The following POMC variants were observed in gnomAD, a reference collection of about 807,000 sequenced individuals.
POMC encodes the protein pro-opiomelanocortin.
A neutral mutation model predicts 18.5 loss-of-function variants in POMC; 19 were observed. The ratio of observed to expected loss-of-function variants is 1.03; its 90% CI spans 0.72 to 1.51. POMC has a LOEUF of 1.51. Ranked by LOEUF, POMC falls within the 40% of genes most tolerant of loss-of-function variation. The pLI is 0.00. For synonymous variants in POMC, 179 were observed against 161.9 expected, an observed-to-expected ratio of 1.11 and a Z score of -0.80; for missense variants, 451 against 379.0, an observed-to-expected ratio of 1.19 and a Z score of -1.58.
At chr2:25,166,002 TAA>T in intron 1 of POMC, among the ~76,000 whole-genome samples, 1 of 152,396 alleles carries the variant, frequency 6.6e-6, no homozygotes, top group African/African-American at 2.4e-5. Context: ...CATTTTAAAA[TAA>T]GTTTGCCTAA....
rs769309229 is a variant in POMC, at chr2:25,161,218, T to C, written c.667A>G (p.Met223Val). Residue 223 changes from methionine to valine, a missense_variant, in exon 3 of 3, where the codon ATG becomes GTG. Physicochemically the swap from Met to Val is conservative, Grantham distance 21. Transcript: ENST00000395826. This position sits in a 1 kb window ranked among gnomAD's most constrained non-coding sequence, Gnocchi z 5.7. The stretch of plus-strand genomic sequence containing the variant: ...GGGCTGCCCCAGCGGAAGTGCTCCA[T>C]CCTGTAGGGGCCCTCGTCCTTCTTC... ...AEKKDEGPYR[M>V]EHFRWGSPPK... The C allele has an allele frequency of 5.0e-6, 8 of 1,613,356 alleles. No individual in the cohort carries two copies. Among genetic ancestry groups the C allele is most frequent in the Non-Finnish European group, 6.8e-6 (8 of 1,179,868 alleles).
Position 25,161,663 on chromosome 2 carries a change from G to A in POMC, c.222C>T (p.Pro74=). The stretch of plus-strand genomic sequence containing the variant: ...GGAAGTGGCCCATGACGTACTTCCG[G>A]GGGTTCTCGGTCAGAGGCTGCTCGT... The part of the protein sequence containing the change: ...NGDEQPLTEN[P]RKYVMGHFRW... Residue 74 remains proline (P), a synonymous_variant, in exon 3 of 3, where the codon CCC becomes CCT. Transcript: ENST00000395826. The surrounding 1 kb of genome is among the most constrained non-coding windows in gnomAD (Gnocchi z 5.7). The A allele has an allele frequency of 1.3e-6, 2 of 1,561,336 alleles. No individual in the cohort carries two copies. Among genetic ancestry groups the A allele is most frequent in the Non-Finnish European group, 1.7e-6 (2 of 1,153,458 alleles).
chr2:25,166,531 A>G (rs1393070130), intron 1 of POMC, among the ~76,000 whole-genome samples: 1 of 152,226 alleles, frequency 6.6e-6, no homozygotes, highest in Non-Finnish European at 1.5e-5. Flanking sequence ...TAAAGGAAAA[A>G]ACAAAATCTT....
In POMC at chr2:25,164,742, C is replaced by T. The variant is rs772614148; in HGVS notation, c.31G>A (p.Ala11Thr). 7.4e-6 allele frequency: 12 copies of T among 1,614,070 alleles called. No individual in the cohort carries two copies. The highest frequency in any genetic ancestry group is 1.3e-5 in the African/African-American group (1 of 75,056). Reference protein sequence around the residue: MPRSCCSRSGALLLALLLQAS... With the variant: MPRSCCSRSGTLLLALLLQAS... Reference sequence around the variant, plus strand: ...TGAAGCAGCAAGGCCAGCAACAGGGCCCCCGAGCGGCTGCAGCACGATCTC... The same window carrying T: ...TGAAGCAGCAAGGCCAGCAACAGGGTCCCCGAGCGGCTGCAGCACGATCTC... The change falls in exon 2 of 3, where the codon GCC becomes ACC. Residue 11 changes from alanine to threonine, a missense_variant. Coordinates refer to ENST00000395826, the MANE Select transcript of POMC (RefSeq NM_000939.4).
At chr2:25,164,972 A>G (rs1671508765) in intron 1 of POMC, 180 bp from the exon 2 acceptor site, 1 of 530,560 alleles carries the variant, frequency 1.9e-6, no homozygotes, top group East Asian at 3.3e-5. Context: ...ATAAGTTGTG[A>G]TAAGGAGGAG....
Position 25,168,321 on chromosome 2 carries a change from G to C in POMC, c.-21+177C>G, listed in dbSNP as rs1671628195. Among the ~76,000 whole-genome samples, 1 of 152,242 alleles carries C rather than the reference G, an allele frequency of 6.6e-6. No individual in the cohort carries two copies. Among genetic ancestry groups the C allele is most frequent in the Non-Finnish European group, 1.5e-5 (1 of 68,044 alleles). ...GGCCGGACGTGGGCCCTCCAGCTCA[G>C]CTACTGGCGGCTTCTCATGCCGCAG... On this transcript the variant is annotated intron_variant, in intron 1 of 2. Transcript: ENST00000395826. This position sits in a 1 kb window ranked among gnomAD's most constrained non-coding sequence, Gnocchi z 5.2.
chr2:25,161,180 C>G lies in POMC; in HGVS notation c.705G>C (p.Lys235Asn), dbSNP rs1671339298. Reference protein sequence around the residue: ...HFRWGSPPKDKRYGGFMTSEK... With the variant: ...HFRWGSPPKDNRYGGFMTSEK... ...CGGAGGTCATGAAACCGCCGTAGCG[C>G]TTGTCCTTGGGCGGGCTGCCCCAGC... Residue 235 changes from lysine to asparagine, a missense_variant, in exon 3 of 3, where the codon AAG becomes AAC. By Grantham distance (94) the Lys-to-Asn change is moderately conservative. Transcript: ENST00000395826. The surrounding 1 kb of genome is among the most constrained non-coding windows in gnomAD (Gnocchi z 5.7). 3.1e-6 allele frequency: 5 copies of G among 1,613,788 alleles called. No individual in the cohort carries two copies. The highest frequency in any genetic ancestry group is 1.6e-4 in the Middle Eastern group (1 of 6,082).
chr2:25,165,421 A>C (rs1312043087), intron 1 of POMC, among the ~76,000 whole-genome samples: 1 of 152,214 alleles, frequency 6.6e-6, no homozygotes, highest in Non-Finnish European at 1.5e-5. Flanking sequence ...GATGTCCTGC[A>C]CACAAATTAC....
chr2:25,164,646 G>T lies in POMC; in HGVS notation c.127C>A (p.Leu43Met), dbSNP rs150178677. The change falls in exon 2 of 3, where the codon CTG becomes ATG. Residue 43 changes from leucine (L) to methionine (M), a missense_variant. Coordinates refer to ENST00000395826, the MANE Select transcript of POMC (RefSeq NM_000939.4). ...GGCAGTCATGGCCCACGTACCAGCAGGTTGCTTTCCGTGGTGAGGTCCTGA... is the reference window on the plus strand; with the variant it reads ...GGCAGTCATGGCCCACGTACCAGCATGTTGCTTTCCGTGGTGAGGTCCTGA... ...QCQDLTTESN[L>M]LECIRACKPD... 6.2e-7 allele frequency: 1 copy of T among 1,613,964 alleles called. No homozygotes were observed. The highest frequency in any genetic ancestry group is 1.3e-5 in the African/African-American group (1 of 74,926).
At chr2:25,163,196 C>T (rs1370323273) in intron 2 of POMC, among the ~76,000 whole-genome samples, 3 of 152,162 alleles carry the variant, frequency 2.0e-5, no homozygotes, top group Non-Finnish European at 4.4e-5. Context: ...CTCTGTGGAA[C>T]GTTAACAATG....
At position 25,161,191 on chromosome 2, in the gene POMC, G is replaced by C. The variant is rs1265342534; in HGVS notation, c.694C>G (p.Pro232Ala). 6.2e-7 allele frequency: 1 copy of C among 1,613,796 alleles called. No individual in the cohort carries two copies. The stretch of plus-strand genomic sequence containing the variant: ...AAACCGCCGTAGCGCTTGTCCTTGG[G>C]CGGGCTGCCCCAGCGGAAGTGCTCC... ...RMEHFRWGSPPKDKRYGGFMT... is the reference protein window; with the variant it reads ...RMEHFRWGSPAKDKRYGGFMT... Residue 232 changes from proline to alanine, a missense_variant, in exon 3 of 3, where the codon CCC (proline) becomes GCC (alanine). Physicochemically the swap from Pro to Ala is conservative, Grantham distance 27. Transcript: ENST00000395826. The surrounding 1 kb of genome is among the most constrained non-coding windows in gnomAD (Gnocchi z 5.7).
chr2:25,167,830 T>C (rs988748991), intron 1 of POMC, among the ~76,000 whole-genome samples: 1 of 152,174 alleles, frequency 6.6e-6, no homozygotes, highest in African/African-American at 2.4e-5. Flanking sequence ...ATGTGACACC[T>C]ATCCTGGAAA....
rs1573249057 is a variant in POMC, at chr2:25,160,901, T to C, written c.*180A>G. The C allele has an allele frequency of 3.9e-6, 4 of 1,021,072 alleles. No homozygotes were observed. In the East Asian group the frequency reaches 1.0e-4, roughly 27 times the overall value. 63.3% of individuals were successfully genotyped at this position (1,021,072 alleles called of 1,614,324 possible). A position where few individuals can be genotyped will look rare whatever the true frequency, so the allele number is the denominator to read the frequency against. The stretch of plus-strand genomic sequence containing the variant: ...TTTTACTTTATTCACACAGTTTACA[T>C]TCAAAGTCAGAGGTGGATGTGAAAT... On this transcript the variant is annotated 3_prime_UTR_variant, in exon 3 of 3. Coordinates refer to ENST00000395826, the MANE Select transcript of POMC (RefSeq NM_000939.4).
rs1422785520 is a variant in POMC, at chr2:25,161,261, G to A, written c.624C>T (p.Ser208=). The change falls in exon 3 of 3, where the codon AGC becomes AGT. Residue 208 remains serine (S), a synonymous_variant. Coordinates refer to ENST00000395826, the MANE Select transcript of POMC (RefSeq NM_000939.4). This position sits in a 1 kb window ranked among gnomAD's most constrained non-coding sequence, Gnocchi z 5.7. ...GAGAQADLEH[S]LLVAAEKKDE... ...CCTTCTTCTCGGCCGCCACCAGCAGGCTGTGCTCCAGGTCGGCCTGGGCCC... is the reference window on the plus strand; with the variant it reads ...CCTTCTTCTCGGCCGCCACCAGCAGACTGTGCTCCAGGTCGGCCTGGGCCC... 6.2e-7 allele frequency: 1 copy of A among 1,612,152 alleles called. No homozygotes were observed. Among genetic ancestry groups the A allele is most frequent in the South Asian group, 1.1e-5 (1 of 90,824 alleles).
Position 25,161,581 on chromosome 2 carries a change from G to C in POMC, c.304C>G (p.Gln102Glu), listed in dbSNP as rs1239191459. The C allele has an allele frequency of 6.6e-7, 1 of 1,519,906 alleles. No homozygotes were observed. Among genetic ancestry groups the C allele is most frequent in the Non-Finnish European group, 8.9e-7 (1 of 1,129,546 alleles). 94.2% of individuals were successfully genotyped at this position (1,519,906 alleles called of 1,614,324 possible). A position where few individuals can be genotyped will look rare whatever the true frequency, so the allele number is the denominator to read the frequency against. Residue 102 changes from glutamine to glutamate, a missense_variant, in exon 3 of 3, where the codon CAG becomes GAG. By Grantham distance (29) the Gln-to-Glu change is conservative. Coordinates refer to ENST00000395826, the MANE Select transcript of POMC (RefSeq NM_000939.4). This position sits in a 1 kb window ranked among gnomAD's most constrained non-coding sequence, Gnocchi z 5.7. ...SSSSGSSGAG[Q>E]KREDVSAGED... Reference sequence around the variant, plus strand: ...CCCGCTGAGACGTCCTCGCGCTTCTGCCCTGCGCCGCTGCTGCCGCTGCTG... The same window carrying C: ...CCCGCTGAGACGTCCTCGCGCTTCTCCCCTGCGCCGCTGCTGCCGCTGCTG...
chr2:25,164,490 A>T, intron 2 of POMC, 151 bp downstream of exon 2: 2 of 1,215,014 alleles, frequency 1.6e-6, no homozygotes, highest in Non-Finnish European at 1.2e-6. Flanking sequence ...CCCATTTCTT[A>T]CTTCACTGCA....
chr2:25,161,541 G>A lies in POMC; in HGVS notation c.344C>T (p.Pro115Leu), dbSNP rs776765638. 4 of 1,579,566 alleles carry A rather than the reference G, an allele frequency of 2.5e-6. No individual in the cohort carries two copies. Among genetic ancestry groups the A allele is most frequent in the Middle Eastern group, 1.7e-4 (1 of 5,990 alleles). Residue 115 changes from proline to leucine, a missense_variant, in exon 3 of 3, where the codon CCG (proline) becomes CTG (leucine). Pro to Leu is a moderately conservative substitution (Grantham distance 98). Coordinates refer to ENST00000395826, the MANE Select transcript of POMC (RefSeq NM_000939.4). This position sits in a 1 kb window ranked among gnomAD's most constrained non-coding sequence, Gnocchi z 5.7. ...GGGCTCGGGGCCGCCCTCAGGCAGC[G>A]GGCCGCAGTCTTCGCCCGCTGAGAC... ...EDVSAGEDCG[P>L]LPEGGPEPRS...
chr2:25,164,955 C>T (rs1021304379), intron 1 of POMC, 163 bp from the exon 2 acceptor site: 9 of 666,702 alleles, frequency 1.3e-5, no homozygotes, highest in East Asian at 3.0e-5. Context: ...TGCAGTACAG[C>T]GGTGGTATAA....
chr2:25,165,396 C>T (rs1558630904), intron 1 of POMC, among the ~76,000 whole-genome samples: 1 of 152,324 alleles, frequency 6.6e-6, no homozygotes, highest in South Asian at 2.1e-4. Flanking sequence ...GGCAGCATTT[C>T]GAGCAGCCTG....
Sources: allele counts gnomAD v4.1 joint callset (sites outside exome capture counted in the v4.1 genomes callset), GRCh38; gene constraint gnomAD v4.1.1; non-coding constraint Gnocchi (gnomAD v3.1); transcripts MANE v1.5; gene names NCBI Gene and HGNC (gene_info 2026-07-23, HGNC 2026-07-21).